Variants in CDKAL1 observed in about 807,000 individuals in gnomAD.
CDKAL1 encodes threonylcarbamoyladenosine tRNA methylthiotransferase.
CDKAL1 carries 32 observed loss-of-function variants against 68.2 expected under a neutral mutation model. The observed-to-expected ratio is 0.47, with a 90% CI of 0.35 to 0.63. CDKAL1 has a LOEUF of 0.63. Among genes scored for constraint, CDKAL1 ranks in the 30% least tolerant of loss-of-function variants. The pLI is 0.00. For synonymous variants in CDKAL1, 234 were observed against 244.3 expected, an observed-to-expected ratio of 0.96 and a Z score of 0.39; for missense variants, 606 against 696.7, an observed-to-expected ratio of 0.87 and a Z score of 1.47.
At chr6:20,600,020 C>G (rs1766014035) in intron 4 of CDKAL1, among the ~76,000 whole-genome samples, 1 of 152,146 alleles carries the variant, frequency 6.6e-6, no homozygotes, top group Admixed American at 6.5e-5. Flanking sequence ...ATCAAATCCT[C>G]CCTATGTGAA....
At chr6:21,006,724 C>T (rs1010598175) in intron 11 of CDKAL1, among the ~76,000 whole-genome samples, 6 of 152,024 alleles carry the variant, frequency 3.9e-5, no homozygotes, top group Non-Finnish European at 7.4e-5. Context: ...TGCTAAATAC[C>T]GTAGGATTCT....
At chr6:20,897,047 A>C (rs1164435362) in intron 9 of CDKAL1, among the ~76,000 whole-genome samples, 1 of 152,180 alleles carries the variant, frequency 6.6e-6, no homozygotes, top group Admixed American at 6.5e-5. Flanking sequence ...GGGAAATCTA[A>C]GATCATGGTG....
chr6:20,814,585 C>A (rs1453061215), intron 8 of CDKAL1, among the ~76,000 whole-genome samples: 1 of 152,172 alleles, frequency 6.6e-6, no homozygotes, highest in Non-Finnish European at 1.5e-5. Context: ...TGACCTTTTT[C>A]TCTGATTGCT....
intron 12 of CDKAL1, among the ~76,000 whole-genome samples, chr6:21,104,370 G>A (rs1222556572): frequency 6.6e-6 from 1 of 152,164 alleles, no homozygotes; most frequent in African/African-American, 2.4e-5. Context: ...ATAGTTAGTT[G>A]TTCATGTGGT....
chr6:20,623,092 A>G (rs1470058560), intron 4 of CDKAL1, among the ~76,000 whole-genome samples: 2 of 152,034 alleles, frequency 1.3e-5, no homozygotes, highest in Non-Finnish European at 2.9e-5. Flanking sequence ...TCTGTTAGTA[A>G]GATAATGAAA....
intron 11 of CDKAL1, among the ~76,000 whole-genome samples, chr6:21,024,698 G>T (rs1284527133): frequency 6.6e-6 from 1 of 152,170 alleles, no homozygotes; most frequent in African/African-American, 2.4e-5. Flanking sequence ...TAAGATAGAG[G>T]TGTCAGAGAC....
chr6:21,082,760 G>A (rs1433526967), intron 12 of CDKAL1, among the ~76,000 whole-genome samples: 1 of 151,980 alleles, frequency 6.6e-6, no homozygotes, highest in Admixed American at 6.6e-5. Context: ...ATTGAGACCA[G>A]AAGTTTTCCA....
chr6:20,877,197 G>A (rs972454005), intron 9 of CDKAL1, among the ~76,000 whole-genome samples: 6 of 152,178 alleles, frequency 3.9e-5, no homozygotes, highest in African/African-American at 1.2e-4. Context: ...AAAATGTGGA[G>A]CACTTTACAA....
chr6:20,617,428 T>A (rs9368213), intron 4 of CDKAL1, among the ~76,000 whole-genome samples: 42,103 of 152,100 alleles, frequency 0.28, 6,333 homozygotes, highest in East Asian at 0.52. Context: ...TATTTTTTTT[T>A]AAATTTTACT....
chr6:21,131,564 A>C (rs1171479321), intron 13 of CDKAL1, among the ~76,000 whole-genome samples: 1 of 152,218 alleles, frequency 6.6e-6, no homozygotes, highest in East Asian at 1.9e-4. Context: ...ATTTGATGCA[A>C]ACTACCCATT....
chr6:20,706,372 C>T (rs1771596283), intron 5 of CDKAL1, among the ~76,000 whole-genome samples: 1 of 152,104 alleles, frequency 6.6e-6, no homozygotes, highest in Admixed American at 6.5e-5. Context: ...TTAGGCTTCC[C>T]GCCAACCCTT....
intron 5 of CDKAL1, among the ~76,000 whole-genome samples, chr6:20,669,439 AC>A (rs1321469110): frequency 6.6e-6 from 1 of 152,024 alleles, no homozygotes; most frequent in Non-Finnish European, 1.5e-5. Flanking sequence ...TATCATTATC[AC>A]CCATGTTGTT....
chr6:20,609,193 G>A (rs1561962691), intron 4 of CDKAL1, among the ~76,000 whole-genome samples: 1 of 151,736 alleles, frequency 6.6e-6, no homozygotes, highest in Non-Finnish European at 1.5e-5. Flanking sequence ...ATTTCCACCT[G>A]GACTCTTGGA....
At chr6:21,153,716 A>G (rs1432565589) in intron 13 of CDKAL1, among the ~76,000 whole-genome samples, 1 of 152,210 alleles carries the variant, frequency 6.6e-6, no homozygotes, top group Non-Finnish European at 1.5e-5. Flanking sequence ...AGCATAAATG[A>G]GAGAAAGGGT....
At chr6:20,801,048 G>T (rs553758042) in intron 8 of CDKAL1, among the ~76,000 whole-genome samples, 1 of 152,286 alleles carries the variant, frequency 6.6e-6, no homozygotes, top group East Asian at 1.9e-4. Flanking sequence ...CTACCAAGTA[G>T]CTGGGACTAT....
rs114098887 is a variant in CDKAL1 at position 20,728,679 on chromosome 6, C to T, written c.372-10840C>T. Among the ~76,000 whole-genome samples, 1,263 of 152,150 alleles carry T rather than the reference C, an allele frequency of 8.3e-3. 17 individuals carry two copies. The highest frequency in any genetic ancestry group is 0.029 in the African/African-American group (1,215 of 41,530). On this transcript the variant is annotated intron_variant, in intron 5 of 15. Coordinates refer to ENST00000274695, the MANE Select transcript of CDKAL1 (RefSeq NM_017774.3). ...GTCCTCAGTTTCCTCTTTCATAAAA[C>T]GAAATGACAGGGCTAGAAAGCTTTT...
intron 9 of CDKAL1, among the ~76,000 whole-genome samples, chr6:20,954,173 A>G (rs1764670161): frequency 6.6e-6 from 1 of 152,086 alleles, no homozygotes; most frequent in Admixed American, 6.6e-5. Flanking sequence ...GTGATTGGAA[A>G]TCTTTTTGCT....
intron 8 of CDKAL1, 46 bp from the exon 9 acceptor site, chr6:20,846,029 C>T (rs775014343): frequency 1.7e-6 from 2 of 1,204,702 alleles, no homozygotes; most frequent in South Asian, 1.3e-5. Context: ...TAAGTATATG[C>T]TATCTTTAGA....
intron 9 of CDKAL1, among the ~76,000 whole-genome samples, chr6:20,850,696 C>T (rs1031357351): frequency 6.6e-6 from 1 of 152,032 alleles, no homozygotes; most frequent in Non-Finnish European, 1.5e-5. Flanking sequence ...CCTTTGCCTC[C>T]CAAAGTGCAG....
Sources: allele counts gnomAD v4.1 joint callset (sites outside exome capture counted in the v4.1 genomes callset), GRCh38; gene constraint gnomAD v4.1.1; transcripts MANE v1.5; gene names NCBI Gene and HGNC (gene_info 2026-07-23, HGNC 2026-07-21).